The following CACNA2D3 variants were observed in gnomAD, a reference collection of about 807,000 sequenced individuals.
CACNA2D3 encodes the protein calcium voltage-gated channel auxiliary subunit alpha2delta 3.
In CACNA2D3, 60 loss-of-function variants were observed where a neutral mutation model predicts 160.6. That is an observed-to-expected ratio of 0.37 (90% confidence interval 0.30 to 0.46). CACNA2D3 has a LOEUF of 0.46. Ranked by LOEUF, CACNA2D3 falls within the 20% of genes least tolerant of loss-of-function variation. CACNA2D3 has a pLI of 1.00. For missense variants in CACNA2D3, 1,205 were observed against 1,365.0 expected (o/e 0.88, Z 1.85); for synonymous variants, 558 against 492.9 (o/e 1.13, Z -1.75).
intron 31 of CACNA2D3, among the ~76,000 whole-genome samples, chr3:54,994,363 G>A (rs982162689): frequency 1.3e-5 from 2 of 152,192 alleles, no homozygotes; most frequent in Non-Finnish European, 2.9e-5. Flanking sequence ...AACAACTCAT[G>A]TAATGAGTGT....
At chr3:54,529,950 G>A (rs1050027208) in intron 5 of CACNA2D3, among the ~76,000 whole-genome samples, 1 of 152,194 alleles carries the variant, frequency 6.6e-6, no homozygotes, top group Non-Finnish European at 1.5e-5. Context: ...AGGAATGTGT[G>A]TTGGAAATGG....
chr3:54,571,539 T>C (rs1702496658), intron 8 of CACNA2D3, among the ~76,000 whole-genome samples: 1 of 152,092 alleles, frequency 6.6e-6, no homozygotes, highest in South Asian at 2.1e-4. Context: ...ATGCCCCTTA[T>C]GTTCCTCCCA....
chr3:54,630,260 C>T (rs71301895), intron 10 of CACNA2D3, among the ~76,000 whole-genome samples: 24,232 of 151,946 alleles, frequency 0.16, 2,062 homozygotes, highest in South Asian at 0.27. Flanking sequence ...GACACAGCTC[C>T]CACTACAAAT....
intron 11 of CACNA2D3, among the ~76,000 whole-genome samples, chr3:54,701,412 A>AT (rs1239123364): frequency 2.6e-5 from 4 of 152,178 alleles, no homozygotes; most frequent in African/African-American, 9.7e-5. Context: ...CATCCTCTCT[A>AT]TATCTAATAT....
At chr3:54,485,264 A>G (rs548446081) in intron 4 of CACNA2D3, among the ~76,000 whole-genome samples, 7 of 152,370 alleles carry the variant, frequency 4.6e-5, no homozygotes, top group Non-Finnish European at 8.8e-5. Context: ...CTAGAACCCA[A>G]GTACCCTGGT....
rs752394943 is a variant in CACNA2D3 at position 54,320,523 on chromosome 3, G to A, written c.286G>A (p.Glu96Lys). Residue 96 changes from glutamate (E) to lysine (K), a missense_variant, in exon 3 of 38, where the codon GAA becomes AAA. Physicochemically the swap from Glu to Lys is moderately conservative, Grantham distance 56. Around this residue, in one of 3 missense-constraint regions of CACNA2D3, gnomAD observed 163 missense variants for 161.3 expected, o/e 1.01. Transcript: ENST00000474759. ...QLVKKLAKNM[E>K]EMFHKKSEAV... is the part of the protein sequence containing the mutation. ...GGTAAAGAAGCTGGCAAAGAACATGGAAGAGATGTTTCACAAGAAGTCTGA... is the reference window on the plus strand; with the variant it reads ...GGTAAAGAAGCTGGCAAAGAACATGAAAGAGATGTTTCACAAGAAGTCTGA... The A allele has an allele frequency of 6.4e-7, 1 of 1,567,430 alleles. No individual in the cohort carries two copies. The highest frequency in any genetic ancestry group is 2.4e-5 in the East Asian group (1 of 42,366).
At chr3:54,450,673 C>T (rs568627444) in intron 4 of CACNA2D3, among the ~76,000 whole-genome samples, 2 of 152,116 alleles carry the variant, frequency 1.3e-5, no homozygotes, top group South Asian at 2.1e-4. Context: ...TCACTGCACA[C>T]GCTGGCTCCC....
Position 54,642,149 on chromosome 3 carries a change from A to G in CACNA2D3, c.1075A>G (p.Ser359Gly). The change falls in exon 11 of 38, where the codon AGT becomes GGT. Residue 359 changes from serine to glycine, a missense_variant. By Grantham distance (56) the Ser-to-Gly change is moderately conservative. Transcript: ENST00000474759. Reference sequence around the variant, plus strand: ...CTAGTTCAACCACACGGGACAAGGAAGTATCTGCAGTCAGGCCATCATGCT... The same window carrying G: ...CTAGTTCAACCACACGGGACAAGGAGGTATCTGCAGTCAGGCCATCATGCT... ...LSDFNHTGQG[S>G]ICSQAIMLIT... The G allele has an allele frequency of 6.2e-7, 1 of 1,612,626 alleles. No individual in the cohort carries two copies.
intron 13 of CACNA2D3, among the ~76,000 whole-genome samples, chr3:54,798,246 T>A (rs530407305): frequency 3.9e-5 from 6 of 152,296 alleles, no homozygotes; most frequent in South Asian, 2.1e-4. Context: ...ATGAAAAGAA[T>A]GGACCAGGCT....
rs1576940521 is a variant in CACNA2D3 at position 54,122,934 on chromosome 3, C to G, written c.122+99C>G. 9 of 1,091,860 alleles carry G rather than the reference C, an allele frequency of 8.2e-6. No individual in the cohort carries two copies. The East Asian group carries it at 3.1e-4, about 37-fold the overall frequency. The allele number at this position is 1,091,860 out of a possible 1,614,324, so 67.6% of individuals were successfully genotyped here. On this transcript the variant is annotated intron_variant, in intron 1 of 37. Transcript: ENST00000474759. The stretch of plus-strand genomic sequence containing the variant: ...CCTGCAGGTGCGGCTGGGCAGGACC[C>G]GCCGCGGGCGTCGGCCTCGCCGCTC...
intron 35 of CACNA2D3, among the ~76,000 whole-genome samples, chr3:55,049,859 A>AGCT (rs1553638914): frequency 4.7e-5 from 7 of 148,854 alleles, no homozygotes; most frequent in South Asian, 2.1e-4. Context: ...ATTATGTAAT[A>AGCT]GCCTTCTTTG....
chr3:54,846,588 A>G (rs1012144873), intron 17 of CACNA2D3, 121 bp downstream of exon 17: 4 of 614,278 alleles, frequency 6.5e-6, no homozygotes, highest in South Asian at 2.2e-5. Context: ...AATTCATAGC[A>G]TTGTAAAGAT....
intron 11 of CACNA2D3, among the ~76,000 whole-genome samples, chr3:54,745,997 T>C (rs545007931): frequency 6.6e-6 from 1 of 152,330 alleles, no homozygotes; most frequent in Admixed American, 6.5e-5. Context: ...TTTATTGCTG[T>C]TCAGGGTAGC....
intron 17 of CACNA2D3, among the ~76,000 whole-genome samples, chr3:54,858,697 C>A (rs1168701): frequency 6.6e-6 from 1 of 151,928 alleles, no homozygotes. Flanking sequence ...TGTTTGTCTC[C>A]GGGGAGATGG....
chr3:54,272,142 G>A (rs1237180587), intron 2 of CACNA2D3, among the ~76,000 whole-genome samples: 1 of 152,138 alleles, frequency 6.6e-6, no homozygotes, highest in East Asian at 1.9e-4. Flanking sequence ...ACATGGCCCC[G>A]CCACCCCCCA....
intron 27 of CACNA2D3, among the ~76,000 whole-genome samples, chr3:54,929,451 G>A (rs1444239833): frequency 6.6e-6 from 1 of 152,202 alleles, no homozygotes; most frequent in Non-Finnish European, 1.5e-5. Context: ...ACAAAGGGAA[G>A]AGGCCCTTTG....
intron 37 of CACNA2D3, 102 bp downstream of exon 37, chr3:55,073,961 A>G: frequency 8.7e-7 from 1 of 1,147,198 alleles, no homozygotes; most frequent in East Asian, 2.4e-5. Flanking sequence ...TCATGAGAAA[A>G]TAATCCCTTT....
At chr3:54,479,460 G>A (rs760789146) in intron 4 of CACNA2D3, among the ~76,000 whole-genome samples, 1 of 152,200 alleles carries the variant, frequency 6.6e-6, no homozygotes, top group Admixed American at 6.5e-5. Flanking sequence ...GATCATAGCA[G>A]AAGAAATATG....
intron 2 of CACNA2D3, among the ~76,000 whole-genome samples, chr3:54,319,157 G>GACACAC (rs58790730): frequency 0.022 from 3,097 of 138,902 alleles, 33 homozygotes; most frequent in Middle Eastern, 0.046. Context: ...AGCATTTTGT[G>GACACAC]ACACACACAC....
Sources: allele counts gnomAD v4.1 joint callset (sites outside exome capture counted in the v4.1 genomes callset), GRCh38; gene constraint gnomAD v4.1.1; regional missense constraint gnomAD v4.1.1; transcripts MANE v1.5; gene names NCBI Gene and HGNC (gene_info 2026-07-23, HGNC 2026-07-21).